Variants in MGMT observed in about 807,000 individuals in gnomAD.
MGMT encodes the protein O-6-methylguanine-DNA methyltransferase, also known as methylated-DNA--protein-cysteine methyltransferase.
In MGMT, 14 loss-of-function variants were observed where a neutral mutation model predicts 15.9. That is an observed-to-expected ratio of 0.88 (90% CI 0.58 to 1.37). The LOEUF (loss-of-function observed/expected upper bound fraction) is 1.37. MGMT is among the 40% of genes most tolerant of loss of function. The pLI, the probability that MGMT is intolerant of heterozygous loss-of-function variation, is 0.00. For missense variants in MGMT, 282 were observed against 268.1 expected (o/e 1.05, Z -0.36); for synonymous variants, 130 against 118.2 (o/e 1.10, Z -0.65).
intron 2 of MGMT, among the ~76,000 whole-genome samples, chr10:129,604,248 G>A (rs776037820): frequency 1.1e-4 from 16 of 152,174 alleles, no homozygotes; most frequent in Admixed American, 3.9e-4. Context: ...CTAGTGAAGT[G>A]GATGGTGGAT....
intron 3 of MGMT, among the ~76,000 whole-genome samples, chr10:129,736,991 C>A (rs1039470412): frequency 6.6e-6 from 1 of 152,170 alleles, no homozygotes; most frequent in Admixed American, 6.5e-5. Context: ...CTGCCCTTAA[C>A]ATTTTTCCTT....
chr10:129,637,727 A>G (rs1847278210), intron 2 of MGMT, among the ~76,000 whole-genome samples: 1 of 152,162 alleles, frequency 6.6e-6, no homozygotes, highest in African/African-American at 2.4e-5. Flanking sequence ...TAGTGTCCTT[A>G]TAAGAAGAGG....
At chr10:129,733,497 C>T (rs1264169139) in intron 3 of MGMT, among the ~76,000 whole-genome samples, 2 of 148,830 alleles carry the variant, frequency 1.3e-5, no homozygotes, top group Non-Finnish European at 3.0e-5. Flanking sequence ...AATTTTCTCC[C>T]ATTTTGTAGG....
chr10:129,507,409 C>T (rs912268396), intron 1 of MGMT, among the ~76,000 whole-genome samples: 1 of 152,166 alleles, frequency 6.6e-6, no homozygotes. Context: ...TGCGGGCCGC[C>T]CTGTGCACAG....
chr10:129,523,826 C>CA (rs1371675655), intron 1 of MGMT, among the ~76,000 whole-genome samples: 1 of 152,166 alleles, frequency 6.6e-6, no homozygotes, highest in Non-Finnish European at 1.5e-5. Context: ...TGGCTGGACT[C>CA]ACGAGATTGT....
chr10:129,757,500 GC>G (rs767441167), intron 3 of MGMT, among the ~76,000 whole-genome samples: 8 of 152,198 alleles, frequency 5.3e-5, no homozygotes, highest in Non-Finnish European at 1.2e-4. Flanking sequence ...CTCTGTGTTC[GC>G]CGAGGAAGGC....
At chr10:129,697,454 G>A (rs1261274830) in intron 2 of MGMT, among the ~76,000 whole-genome samples, 3 of 151,926 alleles carry the variant, frequency 2.0e-5, no homozygotes, top group East Asian at 3.9e-4. Context: ...TCCCTTATGC[G>A]TTTGGTAAGT....
At chr10:129,606,052 C>T (rs1304296370) in intron 2 of MGMT, among the ~76,000 whole-genome samples, 2 of 152,152 alleles carry the variant, frequency 1.3e-5, no homozygotes, top group African/African-American at 4.8e-5. Flanking sequence ...AGGGGACTGG[C>T]ACTAATTTCC....
At chr10:129,759,445 G>T in intron 4 of MGMT, 104 bp downstream of exon 4, 2 of 1,554,156 alleles carry the variant, frequency 1.3e-6, no homozygotes, top group Admixed American at 3.4e-5. Flanking sequence ...CTGTGCTGCT[G>T]GGGTGGGCAG....
At chr10:129,495,269 C>G (rs1030010154) in intron 1 of MGMT, among the ~76,000 whole-genome samples, 5 of 152,294 alleles carry the variant, frequency 3.3e-5, no homozygotes, top group Non-Finnish European at 5.9e-5. Flanking sequence ...TGGGTCTAAG[C>G]AAAATAAACG....
At chr10:129,744,269 G>T (rs182724440) in intron 3 of MGMT, among the ~76,000 whole-genome samples, 12 of 152,280 alleles carry the variant, frequency 7.9e-5, no homozygotes, top group Non-Finnish European at 1.2e-4. Context: ...CATTGGACGG[G>T]GCTGCTGTGG....
At chr10:129,529,574 A>G (rs973647093) in intron 1 of MGMT, among the ~76,000 whole-genome samples, 2 of 152,172 alleles carry the variant, frequency 1.3e-5, no homozygotes, top group African/African-American at 2.4e-5. Context: ...AGCCATATCC[A>G]CAGGAAGTGT....
At chr10:129,668,092 T>C (rs1847679979) in intron 2 of MGMT, among the ~76,000 whole-genome samples, 1 of 152,166 alleles carries the variant, frequency 6.6e-6, no homozygotes, top group African/African-American at 2.4e-5. Flanking sequence ...TAGTTTTTAG[T>C]CAATCCCCTC....
intron 2 of MGMT, among the ~76,000 whole-genome samples, chr10:129,560,345 A>T (rs966583273): frequency 6.6e-6 from 1 of 152,232 alleles, no homozygotes; most frequent in Non-Finnish European, 1.5e-5. Flanking sequence ...AAGGAAAAAC[A>T]CCTGTTAATT....
chr10:129,604,739 C>A (rs927703581), intron 2 of MGMT, among the ~76,000 whole-genome samples: 9 of 110,836 alleles, frequency 8.1e-5, no homozygotes, highest in African/African-American at 2.6e-4. Flanking sequence ...GCCGCCCCAC[C>A]CCCTCCCCCC....
intron 2 of MGMT, among the ~76,000 whole-genome samples, chr10:129,595,466 A>G (rs1286668468): frequency 2.0e-5 from 3 of 152,142 alleles, no homozygotes; most frequent in Non-Finnish European, 4.4e-5. Context: ...ACCCATGAAA[A>G]CAAAGGTGTC....
intron 2 of MGMT, among the ~76,000 whole-genome samples, chr10:129,594,934 G>A (rs1016261183): frequency 2.0e-5 from 3 of 152,182 alleles, no homozygotes; most frequent in Non-Finnish European, 4.4e-5. Flanking sequence ...AACCTGCCAG[G>A]CTGGAGAAGA....
intron 3 of MGMT, among the ~76,000 whole-genome samples, chr10:129,725,639 C>T (rs1336655285): frequency 2.0e-5 from 3 of 152,222 alleles, no homozygotes; most frequent in African/African-American, 7.2e-5. Context: ...GGGCTGGGGT[C>T]TGCCCACTTC....
chr10:129,739,120 A>C (rs1157999236), intron 3 of MGMT, among the ~76,000 whole-genome samples: 1 of 152,008 alleles, frequency 6.6e-6, no homozygotes, highest in Non-Finnish European at 1.5e-5. Context: ...CATGCTAAAA[A>C]CTCTCAGTAA....
Sources: allele counts gnomAD v4.1 joint callset (sites outside exome capture counted in the v4.1 genomes callset), GRCh38; gene constraint gnomAD v4.1.1; transcripts MANE v1.5; gene names NCBI Gene and HGNC (gene_info 2026-07-23, HGNC 2026-07-21).